The following SENP7 variants were observed in gnomAD, a reference collection of about 807,000 sequenced individuals.
SENP7 encodes sentrin-specific protease 7.
Under a neutral mutation model 141.2 loss-of-function variants are expected in SENP7, and 64 were observed. The observed-to-expected ratio is 0.45, with a 90% confidence interval of 0.37 to 0.56. The LOEUF is 0.56. Among genes scored for constraint, SENP7 ranks in the 20% least tolerant of loss-of-function variants. SENP7 has a pLI of 0.00. For missense variants in SENP7, 1,025 were observed against 1,212.2 expected, an observed-to-expected ratio of 0.85 and a Z score of 2.29; for synonymous variants, 382 against 426.4, an observed-to-expected ratio of 0.90 and a Z score of 1.28.
intron 5 of SENP7, among the ~76,000 whole-genome samples, chr3:101,400,729 C>CA (rs1253256503): frequency 1.3e-5 from 1 of 75,770 alleles, no homozygotes; most frequent in Non-Finnish European, 2.5e-5. Flanking sequence ...GAAATTATGC[C>CA]AATTCCAGCA....
At chr3:101,477,056 T>G (rs1356326203) in intron 3 of SENP7, among the ~76,000 whole-genome samples, 1 of 152,226 alleles carries the variant, frequency 6.6e-6, no homozygotes, top group Non-Finnish European at 1.5e-5. Context: ...GGTTGCCTAT[T>G]CACTCTGATG....
chr3:101,394,945 T>C (rs1340466908), intron 6 of SENP7, among the ~76,000 whole-genome samples: 11 of 152,232 alleles, frequency 7.2e-5, no homozygotes, highest in South Asian at 2.1e-4. Flanking sequence ...GTATGTCTTT[T>C]TTTGAGAAAT....
chr3:101,372,063 T>A lies in SENP7; in HGVS notation c.741A>T (p.Glu247Asp), dbSNP rs1179991982. The part of the protein sequence containing the change: ...NSAKQTAHNK[E>D]KRRKDDGISL... ...AAATGCCATCATCCTTTCTTCGTTT[T>A]TCTTTATTGTGCGCAGTCTGCTTTG... is the stretch of plus-strand genomic sequence containing the variant. Residue 247 changes from glutamate (E) to aspartate (D), a missense_variant, in exon 7 of 24, where the codon GAA becomes GAT. Around this residue, in one of 4 missense-constraint regions of SENP7, gnomAD observed 496 missense variants for 503.5 expected, o/e 0.99. Transcript: ENST00000394095. The A allele has an allele frequency of 1.3e-6, 2 of 1,569,536 alleles. No homozygotes were observed. Among genetic ancestry groups the A allele is most frequent in the Admixed American group, 3.4e-5 (2 of 59,362 alleles).
At chr3:101,442,539 T>A (rs1441108417) in intron 4 of SENP7, among the ~76,000 whole-genome samples, 1 of 152,076 alleles carries the variant, frequency 6.6e-6, no homozygotes, top group African/African-American at 2.4e-5. Flanking sequence ...GCGGCCTGGT[T>A]CCTAACAGGC....
chr3:101,386,954 G>A (rs564095921), intron 6 of SENP7, among the ~76,000 whole-genome samples: 2 of 152,272 alleles, frequency 1.3e-5, no homozygotes, highest in Admixed American at 1.3e-4. Flanking sequence ...CCCTGCCAAC[G>A]CCACCAATGT....
chr3:101,506,019 A>ATTTTTTTTTT (rs143265103), intron 1 of SENP7, among the ~76,000 whole-genome samples: 6 of 142,126 alleles, frequency 4.2e-5, no homozygotes, highest in Non-Finnish European at 7.6e-5. Context: ...TTTATTCCAT[A>ATTTTTTTTTT]ATTTTTTTTT....
chr3:101,457,113 G>A, intron 4 of SENP7: 3 of 671,698 alleles, frequency 4.5e-6, no homozygotes, highest in Non-Finnish European at 7.8e-6. Context: ...CAAAGGGCTT[G>A]GGCTTAAAAA....
chr3:101,481,259 G>A (rs563492416), intron 3 of SENP7, among the ~76,000 whole-genome samples: 1 of 152,036 alleles, frequency 6.6e-6, no homozygotes, highest in African/African-American at 2.4e-5. Flanking sequence ...TGGACAAACG[G>A]ATAAAGAAAA....
In SENP7 at chr3:101,391,452, T is replaced by C. The variant is rs114305704; in HGVS notation, c.677+7409A>G. ...AATACAAAGAATAATTAGAGGATATTATGAACAAGTATATGCCAGCAAACT... is the reference window on the plus strand; with the variant it reads ...AATACAAAGAATAATTAGAGGATATCATGAACAAGTATATGCCAGCAAACT... On this transcript the variant is annotated intron_variant, in intron 6 of 23. Transcript: ENST00000394095. 5.9e-3 allele frequency among the ~76,000 whole-genome samples: 895 copies of C among 151,676 alleles called. 6 individuals are homozygous for C. The highest frequency in any genetic ancestry group is 0.021 in the African/African-American group (861 of 41,382).
At chr3:101,328,804 T>G (rs192717274) in intron 20 of SENP7, 115 bp from the exon 21 acceptor site, 3 of 743,742 alleles carry the variant, frequency 4.0e-6, no homozygotes, top group Non-Finnish European at 6.7e-6. Flanking sequence ...GTAATAGTTA[T>G]CTTCATCATC....
chr3:101,436,363 C>A (rs2062387660), intron 4 of SENP7, among the ~76,000 whole-genome samples: 1 of 152,114 alleles, frequency 6.6e-6, no homozygotes, highest in Non-Finnish European at 1.5e-5. Context: ...TTGGTCTGGG[C>A]TAATATTTCT....
At chr3:101,452,302 T>C (rs1356264793) in intron 4 of SENP7, among the ~76,000 whole-genome samples, 7 of 152,326 alleles carry the variant, frequency 4.6e-5, no homozygotes, top group Non-Finnish European at 8.8e-5. Context: ...AGGTAATTTA[T>C]AGATTCAATG....
chr3:101,430,961 G>A (rs1279737950), intron 4 of SENP7, among the ~76,000 whole-genome samples: 2 of 152,166 alleles, frequency 1.3e-5, no homozygotes, highest in African/African-American at 4.8e-5. Flanking sequence ...TCAGGAGCAG[G>A]TTGCTCAGTT....
rs2065935611 is a variant in SENP7, at chr3:101,513,131, C to T, written c.-1G>A. ...GTCGCCCGAGCTTTCTCTTGTCCAT[C>T]TTCTCCCGCTGCTGAAATTTCAGTT... On this transcript the variant is annotated 5_prime_UTR_variant, in exon 1 of 24. Coordinates refer to ENST00000394095, the MANE Select transcript of SENP7 (RefSeq NM_020654.5). The T allele has an allele frequency of 6.3e-7, 1 of 1,577,688 alleles. No individual in the cohort carries two copies. The highest frequency in any genetic ancestry group is 8.6e-7 in the Non-Finnish European group (1 of 1,157,800).
At chr3:101,367,464 T>C (rs2060066440) in intron 8 of SENP7, among the ~76,000 whole-genome samples, 1 of 151,728 alleles carries the variant, frequency 6.6e-6, no homozygotes, top group African/African-American at 2.4e-5. Flanking sequence ...ATAAATCTAA[T>C]AATAATTTTA....
At chr3:101,429,779 G>A (rs2107709033) in intron 4 of SENP7, among the ~76,000 whole-genome samples, 1 of 152,238 alleles carries the variant, frequency 6.6e-6, no homozygotes, top group East Asian at 1.9e-4. Flanking sequence ...GTTGTCAAAT[G>A]GAATGCTTCC....
At chr3:101,471,747 T>A (rs1033858329) in intron 3 of SENP7, among the ~76,000 whole-genome samples, 4 of 152,170 alleles carry the variant, frequency 2.6e-5, no homozygotes, top group Non-Finnish European at 4.4e-5. Flanking sequence ...TTTTACAATC[T>A]ACCCATCTGA....
chr3:101,433,658 A>C (rs949858648), intron 4 of SENP7, among the ~76,000 whole-genome samples: 4 of 152,194 alleles, frequency 2.6e-5, no homozygotes, highest in Non-Finnish European at 5.9e-5. Flanking sequence ...GACTAAAATG[A>C]TAAGAAGAGA....
intron 3 of SENP7, among the ~76,000 whole-genome samples, chr3:101,485,960 C>T (rs144577171): frequency 0.06 from 9,143 of 152,054 alleles, 626 homozygotes; most frequent in East Asian, 0.23. Flanking sequence ...CTTTTAGAAA[C>T]GTGAAATGCT....
Sources: allele counts gnomAD v4.1 joint callset (sites outside exome capture counted in the v4.1 genomes callset), GRCh38; gene constraint gnomAD v4.1.1; regional missense constraint gnomAD v4.1.1; transcripts MANE v1.5; gene names NCBI Gene and HGNC (gene_info 2026-07-23, HGNC 2026-07-21).